Variants in CADM1 observed in about 807,000 individuals in gnomAD.
The protein encoded by CADM1 is cell adhesion molecule 1, also known as TSLC-1.
In CADM1, 15 loss-of-function variants were observed where a neutral mutation model predicts 53.1. The ratio of observed to expected loss-of-function variants is 0.28; its 90% CI spans 0.19 to 0.44. CADM1 has a LOEUF of 0.44. Among genes scored for constraint, CADM1 ranks in the 20% least tolerant of loss-of-function variants. CADM1 has a pLI of 1.00. For synonymous variants in CADM1, 281 were observed against 243.0 expected, an observed-to-expected ratio of 1.16 and a Z score of -1.45; for missense variants, 434 against 611.3, an observed-to-expected ratio of 0.71 and a Z score of 3.06.
chr11:115,319,355 T>TA (rs1296798442), intron 1 of CADM1, among the ~76,000 whole-genome samples: 1 of 151,976 alleles, frequency 6.6e-6, no homozygotes, highest in African/African-American at 2.4e-5. Context: ...TGACCATCAG[T>TA]AAAAAAGTCA....
intron 1 of CADM1, among the ~76,000 whole-genome samples, chr11:115,383,449 T>C (rs1354856924): frequency 6.6e-6 from 1 of 152,244 alleles, no homozygotes; most frequent in African/African-American, 2.4e-5. Flanking sequence ...GGATCCTGTA[T>C]TAGCTAATAG....
intron 1 of CADM1, among the ~76,000 whole-genome samples, chr11:115,487,687 G>C (rs562872358): frequency 6.6e-6 from 1 of 152,290 alleles, no homozygotes; most frequent in Non-Finnish European, 1.5e-5. Flanking sequence ...AGTGGTTAAA[G>C]AATCATCAAC....
intron 3 of CADM1, among the ~76,000 whole-genome samples, chr11:115,235,545 G>A (rs1382222125): frequency 6.6e-6 from 1 of 152,168 alleles, no homozygotes; most frequent in Non-Finnish European, 1.5e-5. Flanking sequence ...CTAGAAAACA[G>A]TAATGAAATG....
intron 1 of CADM1, among the ~76,000 whole-genome samples, chr11:115,492,219 C>A (rs1028003247): frequency 2.6e-4 from 40 of 152,024 alleles, no homozygotes; most frequent in African/African-American, 8.4e-4. Flanking sequence ...ATATTATAGG[C>A]AGATATTAAC....
chr11:115,243,378 C>T (rs1942306788), intron 1 of CADM1, among the ~76,000 whole-genome samples: 1 of 152,122 alleles, frequency 6.6e-6, no homozygotes, highest in Non-Finnish European at 1.5e-5. Flanking sequence ...AAATATTTTG[C>T]TGAAAGATAT....
At chr11:115,342,800 T>A (rs1276558586) in intron 1 of CADM1, among the ~76,000 whole-genome samples, 1 of 152,138 alleles carries the variant, frequency 6.6e-6, no homozygotes, top group Non-Finnish European at 1.5e-5. Flanking sequence ...AAAGTCAATA[T>A]AGACAAAGAA....
chr11:115,339,658 G>A (rs1204989014), intron 1 of CADM1, among the ~76,000 whole-genome samples: 3 of 152,032 alleles, frequency 2.0e-5, no homozygotes, highest in Non-Finnish European at 4.4e-5. Flanking sequence ...ATTTCATCAT[G>A]TATAGTCATA....
chr11:115,243,198 G>C (rs1245883997), intron 1 of CADM1, among the ~76,000 whole-genome samples: 1 of 152,124 alleles, frequency 6.6e-6, no homozygotes, highest in Admixed American at 6.5e-5. Flanking sequence ...CCCTTGCTGT[G>C]CTCTGGCACA....
In CADM1 at chr11:115,383,069, T is replaced by A. The variant is rs145392086; in HGVS notation, c.124+121202A>T. On this transcript the variant is annotated intron_variant, in intron 1 of 11. Coordinates refer to ENST00000331581, the MANE Select transcript of CADM1 (RefSeq NM_001301043.2). ...AGTCTTATTATCATCTCCTAACTCA[T>A]ACAATGTATTAACTTTTGCTTCTTT... is the stretch of plus-strand genomic sequence containing the variant. 3.0e-4 allele frequency among the ~76,000 whole-genome samples: 46 copies of A among 152,352 alleles called. No homozygotes were observed. In the South Asian group the frequency reaches 7.7e-3, roughly 25 times the overall value.
At chr11:115,345,464 C>T (rs1003596945) in intron 1 of CADM1, among the ~76,000 whole-genome samples, 1 of 152,154 alleles carries the variant, frequency 6.6e-6, no homozygotes, top group African/African-American at 2.4e-5. Context: ...GTAAGTTTAT[C>T]TACACAAGCA....
rs1938897087 is a variant in CADM1 at position 115,173,972 on chromosome 11, T to G, written c.*2502A>C. The G allele has an allele frequency of 2.1e-6, 2 of 960,250 alleles. No homozygotes were observed. Among genetic ancestry groups the G allele is most frequent in the Non-Finnish European group, 2.5e-6 (2 of 807,156 alleles). The allele number at this position is 960,250 out of a possible 1,614,324, so 59.5% of individuals were successfully genotyped here. ...ACCTGTACAAAGTAATACTCAACAA[T>G]ACATTTCAAACAGTGCACTGTATAC... On this transcript the variant is annotated 3_prime_UTR_variant, in exon 12 of 12. Coordinates refer to ENST00000331581, the MANE Select transcript of CADM1 (RefSeq NM_001301043.2).
intron 1 of CADM1, among the ~76,000 whole-genome samples, chr11:115,298,903 A>G (rs1256341510): frequency 6.6e-6 from 1 of 152,032 alleles, no homozygotes; most frequent in Non-Finnish European, 1.5e-5. Flanking sequence ...ACCACTTGAA[A>G]TCTCAATATT....
At chr11:115,433,235 A>G (rs1948101617) in intron 1 of CADM1, among the ~76,000 whole-genome samples, 1 of 152,190 alleles carries the variant, frequency 6.6e-6, no homozygotes, top group Non-Finnish European at 1.5e-5. Context: ...TATTTCAACA[A>G]TAACCACACA....
intron 1 of CADM1, among the ~76,000 whole-genome samples, chr11:115,357,783 A>G (rs1261272406): frequency 6.7e-6 from 1 of 148,652 alleles, no homozygotes; most frequent in Non-Finnish European, 1.5e-5. Context: ...GTATTAAACT[A>G]TGTTTAATAT....
intron 1 of CADM1, among the ~76,000 whole-genome samples, chr11:115,451,407 C>T (rs969566418): frequency 1.3e-5 from 2 of 152,112 alleles, no homozygotes; most frequent in Admixed American, 6.6e-5. Flanking sequence ...TTGAAGATAC[C>T]CGTTAAAGCC....
chr11:115,402,017 G>T (rs1947170512), intron 1 of CADM1, among the ~76,000 whole-genome samples: 1 of 151,970 alleles, frequency 6.6e-6, no homozygotes, highest in African/African-American at 2.4e-5. Flanking sequence ...CATAACTTTT[G>T]AAAGAAAACT....
intron 1 of CADM1, among the ~76,000 whole-genome samples, chr11:115,328,061 T>G (rs1304489530): frequency 6.6e-6 from 1 of 152,122 alleles, no homozygotes; most frequent in Non-Finnish European, 1.5e-5. Context: ...TTCAAATCCT[T>G]TTTCCAAATT....
Position 115,174,308 on chromosome 11 carries a change from A to G in CADM1, c.*2166T>C. ...TTGTTTTTGTTTTTCTTTTTTTCTA[A>G]AAAGAACAACTGAAAAAAAACCTTT... On this transcript the variant is annotated 3_prime_UTR_variant, in exon 12 of 12. Coordinates refer to ENST00000331581, the MANE Select transcript of CADM1 (RefSeq NM_001301043.2). 3 of 985,206 alleles carry G rather than the reference A, an allele frequency of 3.0e-6. No homozygotes were observed. Among genetic ancestry groups the G allele is most frequent in the Non-Finnish European group, 3.6e-6 (3 of 829,590 alleles). The allele number at this position is 985,206 out of a possible 1,614,324, so 61.0% of individuals were successfully genotyped here. A position where few individuals can be genotyped will look rare whatever the true frequency, so the allele number is the denominator to read the frequency against.
At chr11:115,449,111 C>T (rs565832836) in intron 1 of CADM1, among the ~76,000 whole-genome samples, 8 of 152,212 alleles carry the variant, frequency 5.3e-5, no homozygotes, top group South Asian at 2.1e-4. Context: ...CATCTTAAAA[C>T]GCCCCAAAAT....
Sources: allele counts gnomAD v4.1 joint callset (sites outside exome capture counted in the v4.1 genomes callset), GRCh38; gene constraint gnomAD v4.1.1; transcripts MANE v1.5; gene names NCBI Gene and HGNC (gene_info 2026-07-23, HGNC 2026-07-21).